The following KALRN variants were observed in gnomAD, a reference collection of about 807,000 sequenced individuals.
KALRN encodes the protein kalirin RhoGEF kinase, also known as kalirin.
In KALRN, 70 loss-of-function variants were observed where a neutral mutation model predicts 353.7. The ratio of observed to expected loss-of-function variants is 0.20; its 90% CI spans 0.16 to 0.24. KALRN has a LOEUF of 0.24. Among genes scored for constraint, KALRN ranks in the 10% least tolerant of loss-of-function variants. The pLI is 1.00. For synonymous variants in KALRN, 1,391 were observed against 1,434.8 expected (o/e 0.97, Z 0.69); for missense variants, 2,791 against 3,756.7 (o/e 0.74, Z 6.72).
chr3:124,033,853 A>G lies in KALRN; in HGVS notation c.73+40A>G, dbSNP rs1237041372. ...GCGCGGGGGGCCAGGGCTGAAGGCTACTGCCTCGGACGCGGCGTCTCGGAC... is the reference window on the plus strand; with the variant it reads ...GCGCGGGGGGCCAGGGCTGAAGGCTGCTGCCTCGGACGCGGCGTCTCGGAC... On this transcript the variant is annotated intron_variant, in intron 1 of 59. Transcript: ENST00000682506. The surrounding 1 kb of genome is among the most constrained non-coding windows in gnomAD (Gnocchi z 6.2). Among the ~76,000 whole-genome samples, 1 of 152,142 alleles carries G rather than the reference A, an allele frequency of 6.6e-6. No individual in the cohort carries two copies. The highest frequency in any genetic ancestry group is 2.4e-5 in the African/African-American group (1 of 41,446).
intron 16 of KALRN, among the ~76,000 whole-genome samples, chr3:124,432,585 G>A (rs3755670): frequency 6.6e-6 from 1 of 152,164 alleles, no homozygotes; most frequent in Non-Finnish European, 1.5e-5. Context: ...CAATGAAAAG[G>A]TTTGCCTCAA....
rs558918773 is a variant in KALRN, at chr3:124,153,087, A to G, written c.74-74903A>G. On this transcript the variant is annotated intron_variant, in intron 1 of 59. Transcript: ENST00000682506. ...TTTTAATTTTTTTTAATTCTTTTTT[A>G]ATTTTTAAATTTTTTAATTTTAATT... The G allele has an allele frequency of 1.2e-4, 18 of 156,306 alleles. 1 individual carries two copies. The highest frequency in any genetic ancestry group is 2.4e-4 in the Non-Finnish European group (17 of 71,554). 9.7% of individuals were successfully genotyped at this position (156,306 alleles called of 1,614,324 possible). A position where few individuals can be genotyped will look rare whatever the true frequency, so the allele number is the denominator to read the frequency against.
intron 1 of KALRN, among the ~76,000 whole-genome samples, chr3:124,227,388 G>A (rs1330918154): frequency 6.6e-6 from 1 of 152,152 alleles, no homozygotes; most frequent in East Asian, 1.9e-4. Context: ...AGGAAGAGGT[G>A]GGGAGAGGAG....
At chr3:124,558,444 A>AT (rs1457964111) in intron 33 of KALRN, among the ~76,000 whole-genome samples, 1 of 152,016 alleles carries the variant, frequency 6.6e-6, no homozygotes, top group East Asian at 1.9e-4. Flanking sequence ...CACCTGGCTA[A>AT]TTTTTTGTAT....
intron 57 of KALRN, 51 bp from the exon 58 acceptor site, chr3:124,712,884 A>G: frequency 1.5e-6 from 2 of 1,325,914 alleles, no homozygotes; most frequent in South Asian, 2.5e-5. Context: ...TGAATAAAAT[A>G]TATCTAGTTA....
chr3:124,427,273 C>A (rs1024360311), intron 15 of KALRN, among the ~76,000 whole-genome samples: 2 of 152,216 alleles, frequency 1.3e-5, no homozygotes, highest in African/African-American at 4.8e-5. Context: ...TGAACATGTG[C>A]AGTCTCATAG....
chr3:124,343,833 T>G (rs570850226), intron 9 of KALRN, among the ~76,000 whole-genome samples: 2 of 152,354 alleles, frequency 1.3e-5, no homozygotes, highest in African/African-American at 2.4e-5. Flanking sequence ...GTTCTCAGCA[T>G]CAGGCCATGC....
chr3:124,591,682 T>TA (rs141437550), intron 34 of KALRN, among the ~76,000 whole-genome samples: 10,716 of 152,232 alleles, frequency 0.07, 494 homozygotes, highest in East Asian at 0.14. Flanking sequence ...TAAAGTGCTC[T>TA]AAAAAAATTA....
chr3:124,690,155 C>T (rs72968712), intron 51 of KALRN, among the ~76,000 whole-genome samples: 202 of 151,716 alleles, frequency 1.3e-3, no homozygotes, highest in African/African-American at 4.7e-3. Flanking sequence ...GCAATACTAG[C>T]GAACAATATG....
chr3:124,113,656 T>C (rs1231936392), intron 1 of KALRN, among the ~76,000 whole-genome samples: 1 of 152,194 alleles, frequency 6.6e-6, no homozygotes, highest in East Asian at 1.9e-4. Context: ...CCCCGCCTCC[T>C]CACCTGGAGA....
At chr3:124,368,810 G>T (rs530628072) in intron 10 of KALRN, among the ~76,000 whole-genome samples, 1 of 152,124 alleles carries the variant, frequency 6.6e-6, no homozygotes, top group Non-Finnish European at 1.5e-5. Context: ...CTGCAATCCC[G>T]GCACCTCGGG....
intron 57 of KALRN, 35 bp from the exon 58 acceptor site, chr3:124,712,900 T>C (rs1426000857): frequency 6.7e-7 from 1 of 1,486,090 alleles, no homozygotes; most frequent in Non-Finnish European, 9.3e-7. Flanking sequence ...AGTTAATTAA[T>C]GAATGTTGGC....
At chr3:124,552,666 T>C (rs1044862236) in intron 33 of KALRN, among the ~76,000 whole-genome samples, 3 of 152,234 alleles carry the variant, frequency 2.0e-5, no homozygotes, top group African/African-American at 7.2e-5. Flanking sequence ...ACTAAATCTT[T>C]GAACCGTGGG....
chr3:124,495,002 C>T (rs1290063934), intron 32 of KALRN, among the ~76,000 whole-genome samples: 1 of 152,206 alleles, frequency 6.6e-6, no homozygotes, highest in Non-Finnish European at 1.5e-5. Context: ...GACCTTGCAG[C>T]CTTCATCAGT....
chr3:124,259,203 A>G (rs1485239670), intron 3 of KALRN, among the ~76,000 whole-genome samples: 1 of 152,198 alleles, frequency 6.6e-6, no homozygotes, highest in Non-Finnish European at 1.5e-5. Context: ...TTACTCTGCA[A>G]TGAGGTAAAG....
At chr3:124,500,946 C>A (rs2064449800) in intron 33 of KALRN, among the ~76,000 whole-genome samples, 1 of 150,624 alleles carries the variant, frequency 6.6e-6, no homozygotes, top group Admixed American at 6.7e-5. Context: ...AGGTGACAGC[C>A]AAATATCTTC....
chr3:124,625,095 G>A (rs1387667480), intron 34 of KALRN, among the ~76,000 whole-genome samples: 1 of 152,140 alleles, frequency 6.6e-6, no homozygotes, highest in Non-Finnish European at 1.5e-5. Flanking sequence ...GCTTCTCTGG[G>A]TCTAGACATT....
Position 124,533,832 on chromosome 3 carries a change from AG to A in KALRN, c.4936-29010del. On this transcript the variant is annotated intron_variant, in intron 33 of 59. Coordinates refer to ENST00000682506, the MANE Select transcript of KALRN (RefSeq NM_001388419.1). ...CCCACTCTAACTATGGCCTGTGTATAGTAACTTATTTTCAAAGAGTACAGTG... is the reference window on the plus strand; with the variant it reads ...CCCACTCTAACTATGGCCTGTGTATATAACTTATTTTCAAAGAGTACAGTG... Among the ~76,000 whole-genome samples the A allele has an allele frequency of 2.0e-5, 3 of 152,314 alleles. No individual in the cohort carries two copies. The Middle Eastern group carries it at 0.01, about 518-fold the overall frequency.
chr3:124,547,388 C>A (rs2069822909), intron 33 of KALRN, among the ~76,000 whole-genome samples: 2 of 152,136 alleles, frequency 1.3e-5, no homozygotes, highest in Non-Finnish European at 2.9e-5. Context: ...TCGTAGCTCA[C>A]TGCAGCCTCC....
Sources: gnomAD v4.1 joint callset for allele counts (sites outside exome capture counted in the v4.1 genomes callset) on GRCh38, gnomAD v4.1.1 for gene constraint, Gnocchi (gnomAD v3.1) non-coding constraint, MANE v1.5 for transcripts, NCBI Gene and HGNC (gene_info 2026-07-23, HGNC 2026-07-21) for gene names.